The following GLRA3 variants were observed in gnomAD, a reference collection of about 807,000 sequenced individuals.
The protein encoded by GLRA3 is glycine receptor alpha 3.
In GLRA3, 44 loss-of-function variants were observed where a neutral mutation model predicts 60.4. That is an observed-to-expected ratio of 0.73 (90% CI 0.57 to 0.94). The LOEUF (loss-of-function observed/expected upper bound fraction) is 0.94. Ranked by LOEUF, GLRA3 falls within the 40% of genes least tolerant of loss-of-function variation. The pLI is 0.00. For synonymous variants in GLRA3, 223 were observed against 192.9 expected (o/e 1.16, Z -1.29); for missense variants, 508 against 564.6 (o/e 0.90, Z 1.02).
chr4:174,729,661 C>G (rs1220525229), intron 3 of GLRA3, among the ~76,000 whole-genome samples: 1 of 152,018 alleles, frequency 6.6e-6, no homozygotes, highest in East Asian at 1.9e-4. Flanking sequence ...AAATAAGTAC[C>G]ATATATGTCT....
At position 174,740,592 on chromosome 4, in the gene GLRA3, G is replaced by A. The variant is rs149725796; in HGVS notation, c.268-11894C>T. On this transcript the variant is annotated intron_variant, in intron 3 of 9. Transcript: ENST00000274093. ...TGTGAGACCTAATAAAATTGGTGTT[G>A]TTTTAAGCCATTTTATTGTTGATGT... 3.4e-4 allele frequency among the ~76,000 whole-genome samples: 52 copies of A among 152,312 alleles called. No individual in the cohort carries two copies. The East Asian group carries it at 9.6e-3, about 28-fold the overall frequency.
In GLRA3 at chr4:174,692,946, A is replaced by AG. The variant is rs1561059551; in HGVS notation, c.575-10008_575-10007insC. Among the ~76,000 whole-genome samples, 598 of 145,166 alleles carry AG rather than the reference A, an allele frequency of 4.1e-3. 4 individuals carry two copies. Among genetic ancestry groups the AG allele is most frequent in the East Asian group, 0.013 (57 of 4,358 alleles). ...CCCAAAAATGATCAATAAAAAAAAAATAAAAAAAAAAAAAGAAAAGTGTCT... is the reference window on the plus strand; with the variant it reads ...CCCAAAAATGATCAATAAAAAAAAAAGTAAAAAAAAAAAAAGAAAAGTGTCT... On this transcript the variant is annotated intron_variant, in intron 5 of 9. Transcript: ENST00000274093.
At chr4:174,769,071 CTT>C (rs1412440048) in intron 2 of GLRA3, among the ~76,000 whole-genome samples, 1 of 151,992 alleles carries the variant, frequency 6.6e-6, no homozygotes, top group Non-Finnish European at 1.5e-5. Flanking sequence ...AGCCCCTTGA[CTT>C]ATTTCTGTTT....
chr4:174,732,065 G>A (rs1052342326), intron 3 of GLRA3, among the ~76,000 whole-genome samples: 4 of 152,114 alleles, frequency 2.6e-5, no homozygotes, highest in Admixed American at 1.3e-4. Flanking sequence ...ATAAAAAGAT[G>A]GAAAAAATTG....
intron 5 of GLRA3, among the ~76,000 whole-genome samples, chr4:174,709,314 C>T (rs190735670): frequency 4.8e-4 from 73 of 152,040 alleles, no homozygotes; most frequent in African/African-American, 1.6e-3. Context: ...AAATTTAAAA[C>T]AGTTAGTGAA....
At chr4:174,742,923 T>C (rs1737082983) in intron 3 of GLRA3, among the ~76,000 whole-genome samples, 1 of 152,166 alleles carries the variant, frequency 6.6e-6, no homozygotes, top group Non-Finnish European at 1.5e-5. Context: ...GCTTGTTTTG[T>C]TTTACTTTAC....
chr4:174,652,547 C>T (rs1183875782), intron 9 of GLRA3, among the ~76,000 whole-genome samples: 2 of 150,776 alleles, frequency 1.3e-5, no homozygotes, highest in South Asian at 2.1e-4. Flanking sequence ...ATTCTTTTTA[C>T]AGGAGTATCT....
chr4:174,658,989 A>G, intron 8 of GLRA3, 65 bp downstream of exon 8: 3 of 1,389,448 alleles, frequency 2.2e-6, no homozygotes, highest in Non-Finnish European at 3.0e-6. Flanking sequence ...TCTCTATTAA[A>G]TACAACAAAT....
intron 3 of GLRA3, among the ~76,000 whole-genome samples, chr4:174,743,279 A>G (rs554330007): frequency 1.3e-5 from 2 of 152,190 alleles, no homozygotes; most frequent in Admixed American, 6.5e-5. Flanking sequence ...AAAATTAAAG[A>G]ATCTAATATC....
chr4:174,709,373 A>AT (rs1197917045), intron 5 of GLRA3, among the ~76,000 whole-genome samples: 2 of 151,986 alleles, frequency 1.3e-5, no homozygotes, highest in African/African-American at 4.8e-5. Context: ...ATGGTTTGAT[A>AT]TTTTTATTGT....
chr4:174,749,391 T>G (rs1432473704), intron 3 of GLRA3, among the ~76,000 whole-genome samples: 2 of 152,122 alleles, frequency 1.3e-5, no homozygotes, highest in African/African-American at 4.8e-5. Context: ...AGAGGAGTTG[T>G]GGGAATAGGC....
rs545751837 is a variant in GLRA3, at chr4:174,644,727, T to C, written c.1117-663A>G. ...TTGTGAATTATATCTGGCAGAAGTTTATTTCATGTTAAGAACATAAACTTT... is the reference window on the plus strand; with the variant it reads ...TTGTGAATTATATCTGGCAGAAGTTCATTTCATGTTAAGAACATAAACTTT... On this transcript the variant is annotated intron_variant, in intron 9 of 9. Coordinates refer to ENST00000274093, the MANE Select transcript of GLRA3 (RefSeq NM_006529.4). 1.1e-4 allele frequency among the ~76,000 whole-genome samples: 17 copies of C among 152,306 alleles called. No individual in the cohort carries two copies. The South Asian group carries it at 3.5e-3, about 32-fold the overall frequency.
intron 3 of GLRA3, among the ~76,000 whole-genome samples, chr4:174,762,283 A>G (rs1043917827): frequency 6.6e-6 from 1 of 152,070 alleles, no homozygotes; most frequent in African/African-American, 2.4e-5. Context: ...CTTCTGTCAT[A>G]GTTATGCTTC....
At chr4:174,807,150 C>T (rs1291979100) in intron 1 of GLRA3, among the ~76,000 whole-genome samples, 1 of 151,888 alleles carries the variant, frequency 6.6e-6, no homozygotes, top group Non-Finnish European at 1.5e-5. Context: ...ATACAGAGAA[C>T]AACTACTTCA....
intron 2 of GLRA3, among the ~76,000 whole-genome samples, chr4:174,771,146 T>C (rs1454826849): frequency 6.6e-6 from 1 of 151,420 alleles, no homozygotes; most frequent in Admixed American, 6.6e-5. Flanking sequence ...GACGAGTTAA[T>C]GGGTGCAGCA....
At chr4:174,745,715 G>T (rs760142597) in intron 3 of GLRA3, among the ~76,000 whole-genome samples, 2 of 151,438 alleles carry the variant, frequency 1.3e-5, no homozygotes, top group African/African-American at 2.4e-5. Flanking sequence ...CAGAATGGGA[G>T]AAAATATTTG....
At chr4:174,647,447 G>C (rs376421430) in intron 9 of GLRA3, among the ~76,000 whole-genome samples, 9 of 145,884 alleles carry the variant, frequency 6.2e-5, no homozygotes, top group African/African-American at 2.2e-4. Context: ...AACTACTCAA[G>C]GGAAAGAGAC....
chr4:174,782,140 C>A lies in GLRA3; in HGVS notation c.199+6676G>T, dbSNP rs528934147. The stretch of plus-strand genomic sequence containing the variant: ...CACCATGATCAAGTGGGCTTCATCC[C>A]TGGGATGCAAGGCTGGTTCAATATA... On this transcript the variant is annotated intron_variant, in intron 2 of 9. Transcript: ENST00000274093. Among the ~76,000 whole-genome samples, 866 of 146,864 alleles carry A rather than the reference C, an allele frequency of 5.9e-3. 8 individuals are homozygous for A. Among genetic ancestry groups the A allele is most frequent in the African/African-American group, 0.02 (791 of 39,640 alleles).
In GLRA3 at chr4:174,643,578, A is replaced by G. The variant is rs1732692591; in HGVS notation, c.*208T>C. ...TCACCTGGAATTAATATGAAATAGA[A>G]TCCCCTAATAAATATTTTATATTCA... On this transcript the variant is annotated 3_prime_UTR_variant, in exon 10 of 10. Transcript: ENST00000274093. 2.4e-6 allele frequency: 3 copies of G among 1,240,220 alleles called. No individual in the cohort carries two copies. The highest frequency in any genetic ancestry group is 2.0e-6 in the Non-Finnish European group (2 of 986,008). 76.8% of individuals were successfully genotyped at this position (1,240,220 alleles called of 1,614,324 possible).
Sources: allele counts gnomAD v4.1 joint callset (sites outside exome capture counted in the v4.1 genomes callset), GRCh38; gene constraint gnomAD v4.1.1; transcripts MANE v1.5; gene names NCBI Gene and HGNC (gene_info 2026-07-23, HGNC 2026-07-21).